ZNF169: variants seen among roughly 807,000 people sequenced by gnomAD.
ZNF169 encodes zinc finger protein 169.
In ZNF169, 11 loss-of-function variants were observed where a neutral mutation model predicts 12.0. That is an observed-to-expected ratio of 0.92 (90% CI 0.58 to 1.52). The LOEUF (loss-of-function observed/expected upper bound fraction) is 1.52. Among genes scored for constraint, ZNF169 ranks in the 40% most tolerant of loss-of-function variants. The pLI is 0.00. For synonymous variants in ZNF169, 302 were observed against 286.5 expected (o/e 1.05, Z -0.55); for missense variants, 722 against 744.0 (o/e 0.97, Z 0.34).
chr9:94,284,281 C>T (rs554177616), intron 2 of ZNF169, among the ~76,000 whole-genome samples: 4 of 151,672 alleles, frequency 2.6e-5, no homozygotes, highest in Admixed American at 6.6e-5. Flanking sequence ...AAAAATTAGC[C>T]GGGCGTGGTG....
intron 1 of ZNF169, among the ~76,000 whole-genome samples, chr9:94,262,875 A>C (rs1830229128): frequency 6.6e-6 from 1 of 152,182 alleles, no homozygotes. Context: ...TCTGTGCATC[A>C]TCTATTTAAT....
At position 94,271,526 on chromosome 9, in the gene ZNF169, C is replaced by G. The variant is rs188410874; in HGVS notation, c.-55-7232C>G. Among the ~76,000 whole-genome samples, 532 of 152,086 alleles carry G rather than the reference C, an allele frequency of 3.5e-3. 7 individuals carry two copies. The highest frequency in any genetic ancestry group is 0.012 in the African/African-American group (498 of 41,514). On this transcript the variant is annotated intron_variant, in intron 1 of 4. Coordinates refer to ENST00000395395, the MANE Select transcript of ZNF169 (RefSeq NM_194320.4). ...CACTCGGTCAAAAGATCCAGACCAC[C>G]CTGGCCAACGTGCTGAAACCCCATT...
intron 1 of ZNF169, among the ~76,000 whole-genome samples, chr9:94,262,597 A>G (rs1830224237): frequency 6.6e-6 from 1 of 152,112 alleles, no homozygotes; most frequent in South Asian, 2.1e-4. Flanking sequence ...TAGCTGGGCT[A>G]CAGGCGTGCG....
intron 1 of ZNF169, among the ~76,000 whole-genome samples, chr9:94,271,667 C>G (rs3118762): frequency 0.3 from 43,240 of 143,934 alleles, 7,795 homozygotes; most frequent in East Asian, 0.54. Flanking sequence ...TTGCAGTGAG[C>G]TGAGATTGTG....
intron 1 of ZNF169, among the ~76,000 whole-genome samples, chr9:94,274,210 C>T (rs996316394): frequency 6.6e-6 from 1 of 152,106 alleles, no homozygotes; most frequent in East Asian, 1.9e-4. Flanking sequence ...ACTTAGTTAT[C>T]TCTTTAAAGA....
intron 4 of ZNF169, among the ~76,000 whole-genome samples, chr9:94,298,303 G>A (rs4578010): frequency 0.97 from 147,985 of 152,338 alleles, 71,885 homozygotes; most frequent in East Asian, 1. Context: ...CTTACCAAAT[G>A]CTTTGCTTAT....
At chr9:94,291,726 AAAG>A (rs1357216175) in intron 2 of ZNF169, among the ~76,000 whole-genome samples, 2 of 152,258 alleles carry the variant, frequency 1.3e-5, no homozygotes, top group African/African-American at 4.8e-5. Context: ...TACTTAAAAA[AAAG>A]AAGAAAGCTG....
intron 2 of ZNF169, among the ~76,000 whole-genome samples, chr9:94,282,766 A>G (rs1587680142): frequency 6.6e-6 from 1 of 152,314 alleles, no homozygotes; most frequent in East Asian, 1.9e-4. Context: ...AATGATACCT[A>G]CAGCATAGCA....
At chr9:94,260,304 C>T in intron 1 of ZNF169, among the ~76,000 whole-genome samples, 1 of 152,228 alleles carries the variant, frequency 6.6e-6, no homozygotes, top group East Asian at 1.9e-4. Flanking sequence ...CCCCCCGCCT[C>T]GGCCTCCCAA....
intron 4 of ZNF169, 87 bp from the exon 5 acceptor site, chr9:94,299,728 T>C (rs1587690720): frequency 6.6e-7 from 1 of 1,517,488 alleles, no homozygotes; most frequent in Non-Finnish European, 8.8e-7. Context: ...TAAGTCTTTG[T>C]TGTGAACATC....
At position 94,300,179 on chromosome 9, in the gene ZNF169, A is replaced by G. The variant is rs1430610289; in HGVS notation, c.621A>G (p.Ser207=). The change falls in exon 5 of 5, where the codon TCA becomes TCG. Residue 207 remains serine, a synonymous_variant. Transcript: ENST00000395395. ...SDTMLKGADT[S]ESGAVIRGNY... is the part of the protein sequence containing the mutation. Reference sequence around the variant, plus strand: ...CAATGTTGAAGGGAGCAGACACTTCAGAATCTGGAGCAGTCATACGTGGAA... The same window carrying G: ...CAATGTTGAAGGGAGCAGACACTTCGGAATCTGGAGCAGTCATACGTGGAA... 3 of 1,614,232 alleles carry G rather than the reference A, an allele frequency of 1.9e-6. No homozygotes were observed. The South Asian group carries it at 3.3e-5, about 18-fold the overall frequency.
chr9:94,292,380 CAGA>C lies in ZNF169; in HGVS notation c.76_78del (p.Lys26del). The C allele has an allele frequency of 6.2e-7, 1 of 1,614,084 alleles. No individual in the cohort carries two copies. ...CCGGGATGTGGCTGTGGCCTTCACC[CAGA>C]AGGAGTGGAAGCTATTGAGTTCTGC... On this transcript the variant is annotated inframe_deletion, in exon 3 of 5. Transcript: ENST00000395395.
rs1327097559 is a variant in ZNF169 at position 94,300,141 on chromosome 9, G to T, written c.583G>T (p.Gly195Trp). ...DLRLAQRMSLGGSDTMLKGAD... is the reference protein window; with the variant it reads ...DLRLAQRMSLWGSDTMLKGAD... ...TCGCCTGGCCCAAAGGATGAGTCTT[G>T]GGGGGTCAGACACAATGTTGAAGGG... Residue 195 changes from glycine to tryptophan, a missense_variant, in exon 5 of 5, where the codon GGG becomes TGG. Transcript: ENST00000395395. 2.5e-6 allele frequency: 4 copies of T among 1,614,028 alleles called. No homozygotes were observed. Among genetic ancestry groups the T allele is most frequent in the Non-Finnish European group, 2.5e-6 (3 of 1,180,046 alleles).
At chr9:94,262,356 G>A (rs372668709) in intron 1 of ZNF169, among the ~76,000 whole-genome samples, 64 of 152,312 alleles carry the variant, frequency 4.2e-4, no homozygotes, top group Non-Finnish European at 7.9e-4. Flanking sequence ...ACTGGGGAAA[G>A]CCTAGGGTGC....
rs1182126027 is a variant in ZNF169 at position 94,288,232 on chromosome 9, G to T, written c.34-4109G>T. On this transcript the variant is annotated intron_variant, in intron 2 of 4. Transcript: ENST00000395395. ...TTGATTTTAGCATTTTTTTCCCCCA[G>T]TGTTAGGTGAGAAGGACGAATTGAA... is the stretch of plus-strand genomic sequence containing the variant. 9 of 815,490 alleles carry T rather than the reference G, an allele frequency of 1.1e-5. No homozygotes were observed. In the African/African-American group the frequency reaches 1.5e-4, roughly 14 times the overall value. The allele number at this position is 815,490 out of a possible 1,614,324, so 50.5% of individuals were successfully genotyped here.
intron 1 of ZNF169, among the ~76,000 whole-genome samples, chr9:94,260,137 G>A (rs964533504): frequency 7.9e-5 from 12 of 151,868 alleles, no homozygotes; most frequent in Admixed American, 4.6e-4. Flanking sequence ...TTGTCGCCCA[G>A]GCTGGAGTGC....
Position 94,301,084 on chromosome 9 carries a change from C to CA in ZNF169, c.1527dup (p.Glu510ArgfsTer23), listed in dbSNP as rs1273544126. 3.1e-6 allele frequency: 5 copies of CA among 1,614,190 alleles called. No homozygotes were observed. The highest frequency in any genetic ancestry group is 4.2e-6 in the Non-Finnish European group (5 of 1,180,042). On this transcript the variant is annotated frameshift_variant, in exon 5 of 5. Transcript: ENST00000395395. LOFTEE classifies it low-confidence loss of function (END_TRUNC). Reference sequence around the variant, plus strand: ...CTCACCCGACACCAGAGGACACACTCAGAGGAGGAGCTTTACGTAGACAGG... The same window carrying CA: ...CTCACCCGACACCAGAGGACACACTCAAGAGGAGGAGCTTTACGTAGACAGG...
intron 1 of ZNF169, among the ~76,000 whole-genome samples, chr9:94,269,007 A>G (rs1244910754): frequency 6.6e-6 from 1 of 151,956 alleles, no homozygotes; most frequent in Non-Finnish European, 1.5e-5. Context: ...ATGCACACAT[A>G]TATATACACA....
rs1429730636 is a variant in ZNF169, at chr9:94,292,444, A to G, written c.137A>G (p.Asn46Ser). 2 of 1,613,866 alleles carry G rather than the reference A, an allele frequency of 1.2e-6. No individual in the cohort carries two copies. The highest frequency in any genetic ancestry group is 1.7e-6 in the Non-Finnish European group (2 of 1,179,948). ...CTGTACAGGGAGGTGATGCTGGAGA[A>G]CTACAGCCATCTGGTCTCCCTGGGT... Reference protein sequence around the residue: ...RTLYREVMLENYSHLVSLGIA... With the variant: ...RTLYREVMLESYSHLVSLGIA... The change falls in exon 3 of 5, where the codon AAC becomes AGC. Residue 46 changes from asparagine to serine, a missense_variant. Transcript: ENST00000395395.
Sources: allele counts gnomAD v4.1 joint callset (sites outside exome capture counted in the v4.1 genomes callset), GRCh38; gene constraint gnomAD v4.1.1; transcripts MANE v1.5; gene names NCBI Gene and HGNC (gene_info 2026-07-23, HGNC 2026-07-21).